E2F3: variants seen among roughly 807,000 people sequenced by gnomAD.
E2F3 encodes transcription factor E2F3.
A neutral mutation model predicts 44.4 loss-of-function variants in E2F3; 11 were observed. That is an observed-to-expected ratio of 0.25 (90% confidence interval 0.16 to 0.41). E2F3 has a LOEUF of 0.41. E2F3 is among the 10% of genes least tolerant of loss of function. The probability of loss-of-function intolerance (pLI) is 1.00; values close to 1 mark genes in which losing one functional copy is unlikely to be tolerated. For synonymous variants in E2F3, 249 were observed against 253.0 expected, an observed-to-expected ratio of 0.98 and a Z score of 0.15; for missense variants, 487 against 583.6, an observed-to-expected ratio of 0.83 and a Z score of 1.70.
chr6:20,479,018 G>A (rs1290817951), intron 1 of E2F3, among the ~76,000 whole-genome samples: 1 of 152,098 alleles, frequency 6.6e-6, no homozygotes, highest in East Asian at 1.9e-4. Flanking sequence ...TAAGCCCAAT[G>A]CCTAGGTACC....
Position 20,402,534 on chromosome 6 carries a change from C to T in E2F3, c.302C>T (p.Thr101Ile), listed in dbSNP as rs1220881330. 5 of 1,597,070 alleles carry T rather than the reference C, an allele frequency of 3.1e-6. No homozygotes were observed. The South Asian group carries it at 4.4e-5, about 14-fold the overall frequency. ...CAGACCGCCGGCAGCCTCCTCTACACCACGCCGCACGGACCCTCCAGCAGA... is the reference window on the plus strand; with the variant it reads ...CAGACCGCCGGCAGCCTCCTCTACATCACGCCGCACGGACCCTCCAGCAGA... ...AEQTAGSLLY[T>I]TPHGPSSRAG... The change falls in exon 1 of 7, where the codon ACC becomes ATC. Residue 101 changes from threonine (T) to isoleucine (I), a missense_variant. By Grantham distance (89) the Thr-to-Ile change is moderately conservative. Around this residue, in one of 3 missense-constraint regions of E2F3, gnomAD observed 238 missense variants for 236.0 expected, o/e 1.01. Transcript: ENST00000346618. This position sits in a 1 kb window ranked among gnomAD's most constrained non-coding sequence, Gnocchi z 5.6.
chr6:20,417,893 C>T (rs1054709794), intron 1 of E2F3, among the ~76,000 whole-genome samples: 1 of 152,008 alleles, frequency 6.6e-6, no homozygotes, highest in Non-Finnish European at 1.5e-5. Context: ...GTGGGCATTT[C>T]CTCTCTCTTT....
chr6:20,429,857 TG>T (rs745590372), intron 1 of E2F3, among the ~76,000 whole-genome samples: 4 of 152,244 alleles, frequency 2.6e-5, no homozygotes, highest in South Asian at 2.1e-4. Context: ...ATGGTTTTTT[TG>T]TTCTTACACA....
chr6:20,452,536 G>A (rs996858543), intron 1 of E2F3: 1 of 152,056 alleles, frequency 6.6e-6, no homozygotes, highest in Non-Finnish European at 1.5e-5. Context: ...AATAGAGTGG[G>A]TTATCAAACT....
chr6:20,468,099 G>A (rs1046303507), intron 1 of E2F3, among the ~76,000 whole-genome samples: 4 of 152,224 alleles, frequency 2.6e-5, no homozygotes, highest in Admixed American at 1.3e-4. Flanking sequence ...CCAGATGTGT[G>A]GGGGGTTTCC....
chr6:20,461,544 C>A (rs957670032), intron 1 of E2F3, among the ~76,000 whole-genome samples: 5 of 152,090 alleles, frequency 3.3e-5, no homozygotes, highest in Admixed American at 6.6e-5. Context: ...CTACATTTCC[C>A]TTCATTTCTC....
chr6:20,436,094 C>G (rs1352410848), intron 1 of E2F3, among the ~76,000 whole-genome samples: 1 of 151,696 alleles, frequency 6.6e-6, no homozygotes, highest in South Asian at 2.1e-4. Flanking sequence ...AATTCTTCTG[C>G]CTCAGCCTCC....
intron 1 of E2F3, among the ~76,000 whole-genome samples, chr6:20,417,329 C>G (rs1296345028): frequency 6.6e-6 from 1 of 152,142 alleles, no homozygotes. Flanking sequence ...CCAATCCCAA[C>G]TCATTATAAA....
At chr6:20,420,552 A>G (rs1759992046) in intron 1 of E2F3, among the ~76,000 whole-genome samples, 2 of 152,210 alleles carry the variant, frequency 1.3e-5, no homozygotes, top group Admixed American at 6.5e-5. Context: ...AGCAAGTCAT[A>G]TGGAGTCTTT....
rs754613641 is a variant in E2F3, at chr6:20,490,381, C to T, written c.1349C>T (p.Ala450Val). Residue 450 changes from alanine to valine, a missense_variant, in exon 7 of 7, where the codon GCT (alanine) becomes GTT (valine). Transcript: ENST00000346618. This position sits in a 1 kb window ranked among gnomAD's most constrained non-coding sequence, Gnocchi z 4.3. ...EEEGISDLFD[A>V]YDLEKLPLVE... ...GAAGGCATCAGCGATCTCTTCGATG[C>T]TTACGATTTGGAAAAGCTCCCACTG... The T allele has an allele frequency of 5.0e-6, 8 of 1,606,454 alleles. No individual in the cohort carries two copies. Among genetic ancestry groups the T allele is most frequent in the South Asian group, 3.3e-5 (3 of 90,116 alleles).
At chr6:20,453,019 G>T (rs1561867929) in intron 1 of E2F3, among the ~76,000 whole-genome samples, 1 of 124,754 alleles carries the variant, frequency 8.0e-6, no homozygotes. Context: ...TTGTTTGTTT[G>T]TTTTGCAAAC....
chr6:20,474,758 T>C (rs1000298724), intron 1 of E2F3, among the ~76,000 whole-genome samples: 1 of 152,220 alleles, frequency 6.6e-6, no homozygotes, highest in African/African-American at 2.4e-5. Context: ...TGCTGCTCCA[T>C]CAAATATCAA....
rs927085498 is a variant in E2F3, at chr6:20,421,730, GTCCCCCAC to G, written c.393+19110_393+19117del. ...TCACCCCTCCTTAGGCAACCTGGTG[GTCCCCCAC>G]TCCCAGGAGGTCGCCATATTGATGC... On this transcript the variant is annotated intron_variant, in intron 1 of 6. Transcript: ENST00000346618. The G allele has an allele frequency of 2.2e-4, 33 of 152,390 alleles. 1 individual carries two copies. Among genetic ancestry groups the G allele is most frequent in the African/African-American group, 7.5e-4 (31 of 41,536 alleles). 9.4% of individuals were successfully genotyped at this position (152,390 alleles called of 1,614,324 possible). A position where few individuals can be genotyped will look rare whatever the true frequency, so the allele number is the denominator to read the frequency against.
At chr6:20,436,509 G>A (rs1431377353) in intron 1 of E2F3, among the ~76,000 whole-genome samples, 1 of 150,840 alleles carries the variant, frequency 6.6e-6, no homozygotes, top group Non-Finnish European at 1.5e-5. Context: ...ATTTTGTAAC[G>A]TTTTAAGAAA....
At chr6:20,456,843 A>G (rs1761322538) in intron 1 of E2F3, among the ~76,000 whole-genome samples, 1 of 152,190 alleles carries the variant, frequency 6.6e-6, no homozygotes, top group Non-Finnish European at 1.5e-5. Context: ...ATTTGTAATG[A>G]TTAATTGCAA....
At chr6:20,486,885 A>C (rs765741752) in intron 5 of E2F3, 82 bp downstream of exon 5, 45 of 865,758 alleles carry the variant, frequency 5.2e-5, no homozygotes, top group Non-Finnish European at 8.1e-5. Flanking sequence ...TCATAGTTAA[A>C]GTCTGTCCCC....
At chr6:20,432,454 T>C (rs969727533) in intron 1 of E2F3, among the ~76,000 whole-genome samples, 2 of 152,248 alleles carry the variant, frequency 1.3e-5, no homozygotes, top group African/African-American at 4.8e-5. Context: ...ATTAGATCTA[T>C]CAGGGGAAAG....
At chr6:20,477,507 T>C (rs562463768) in intron 1 of E2F3, among the ~76,000 whole-genome samples, 1 of 152,118 alleles carries the variant, frequency 6.6e-6, no homozygotes, top group South Asian at 2.1e-4. Context: ...TTTGCCTGAG[T>C]GTCTTACTCT....
intron 1 of E2F3, among the ~76,000 whole-genome samples, chr6:20,407,674 G>A (rs1759535929): frequency 6.6e-6 from 1 of 152,104 alleles, no homozygotes; most frequent in South Asian, 2.1e-4. Context: ...CTCTTTCCTA[G>A]GGATTTGGAC....
Sources: gnomAD v4.1 joint callset for allele counts (sites outside exome capture counted in the v4.1 genomes callset) on GRCh38, gnomAD v4.1.1 for gene constraint, gnomAD v4.1.1 regional missense constraint, Gnocchi (gnomAD v3.1) non-coding constraint, MANE v1.5 for transcripts, NCBI Gene and HGNC (gene_info 2026-07-23, HGNC 2026-07-21) for gene names.